TDRD9: variants seen among roughly 807,000 people sequenced by gnomAD.
TDRD9 encodes tudor domain containing 9, also known as ATP-dependent RNA helicase TDRD9.
Under a neutral mutation model 172.6 loss-of-function variants are expected in TDRD9, and 124 were observed. The ratio of observed to expected loss-of-function variants is 0.72; its 90% CI spans 0.62 to 0.83. The LOEUF is 0.83. TDRD9 is among the 40% of genes least tolerant of loss of function. The pLI, the probability that TDRD9 is intolerant of heterozygous loss-of-function variation, is 0.00. For synonymous variants in TDRD9, 619 were observed against 617.1 expected (o/e 1.00, Z -0.05); for missense variants, 1,479 against 1,714.1 (o/e 0.86, Z 2.42).
At chr14:103,941,784 G>T in intron 1 of TDRD9, 1 of 1,099,866 alleles carries the variant, frequency 9.1e-7, no homozygotes, top group Non-Finnish European at 1.3e-6. Context: ...CAATAAATTT[G>T]CCCGAAAAGT....
At position 103,991,811 on chromosome 14, in the gene TDRD9, A is replaced by G. The variant is rs2033880753; in HGVS notation, c.1180+587A>G. ...CTCACTCTGTTGCCCAGGCAGGGGT[A>G]CAGTGGCAAAATCTTAGCTCACTGC... On this transcript the variant is annotated intron_variant, in intron 9 of 35. Coordinates refer to ENST00000409874, the MANE Select transcript of TDRD9 (RefSeq NM_153046.3). Among the ~76,000 whole-genome samples, 4 of 148,442 alleles carry G rather than the reference A, an allele frequency of 2.7e-5. No individual in the cohort carries two copies. The South Asian group carries it at 8.6e-4, about 32-fold the overall frequency.
rs2035138323 is a variant in TDRD9, at chr14:104,026,861, C to G, written c.3204C>G (p.Val1068=). ...LHVDVYQYSG[V]QDAINIRDVL... ...TGGATGTGTACCAGTACTCAGGGGT[C>G]CAGGATGCCATCAACATAAGAGACG... Residue 1068 remains valine, a synonymous_variant, in exon 28 of 36, where the codon GTC becomes GTG. Transcript: ENST00000409874. The G allele has an allele frequency of 1.9e-6, 3 of 1,614,004 alleles. No homozygotes were observed. The highest frequency in any genetic ancestry group is 1.3e-5 in the African/African-American group (1 of 75,040).
intron 32 of TDRD9, among the ~76,000 whole-genome samples, chr14:104,037,157 G>A (rs76521349): frequency 6.6e-6 from 1 of 152,028 alleles, no homozygotes; most frequent in Non-Finnish European, 1.5e-5. Flanking sequence ...CTTCTGCAGC[G>A]AGCAGGAGGG....
At chr14:103,975,969 A>G (rs2033219763) in intron 7 of TDRD9, among the ~76,000 whole-genome samples, 2 of 152,160 alleles carry the variant, frequency 1.3e-5, no homozygotes, top group South Asian at 4.1e-4. Flanking sequence ...TCTCTCTTTA[A>G]AAAGGACACT....
chr14:104,017,110 T>A (rs1418997308), intron 22 of TDRD9, among the ~76,000 whole-genome samples: 2 of 152,104 alleles, frequency 1.3e-5, no homozygotes, highest in African/African-American at 2.4e-5. Context: ...CTAAGCTCTT[T>A]GCTTGGCTTC....
intron 35 of TDRD9, among the ~76,000 whole-genome samples, chr14:104,050,524 T>C (rs975208872): frequency 2.6e-5 from 4 of 152,208 alleles, no homozygotes; most frequent in Non-Finnish European, 5.9e-5. Context: ...GGGATATCTC[T>C]AGATACAAAG....
At chr14:104,039,420 A>T (rs999679625) in intron 32 of TDRD9, among the ~76,000 whole-genome samples, 2 of 152,226 alleles carry the variant, frequency 1.3e-5, no homozygotes, top group African/African-American at 2.4e-5. Flanking sequence ...CAGCTAGACC[A>T]CTGTGGCTTC....
At chr14:103,934,999 C>T (rs548777163) in intron 1 of TDRD9, among the ~76,000 whole-genome samples, 4 of 152,262 alleles carry the variant, frequency 2.6e-5, no homozygotes, top group South Asian at 2.1e-4. Context: ...AGGAGGGCCT[C>T]GTCCAGTCAG....
chr14:104,035,182 G>C, intron 32 of TDRD9, 126 bp downstream of exon 32: 1 of 676,170 alleles, frequency 1.5e-6, no homozygotes, highest in South Asian at 1.8e-5. Flanking sequence ...ACGTCTCGCT[G>C]CTTGGGGTGA....
At chr14:103,956,698 T>C (rs2152134237) in intron 2 of TDRD9, among the ~76,000 whole-genome samples, 1 of 152,274 alleles carries the variant, frequency 6.6e-6, no homozygotes, top group South Asian at 2.1e-4. Context: ...AAAATGACAT[T>C]TTAAACAATG....
intron 28 of TDRD9, among the ~76,000 whole-genome samples, chr14:104,029,920 T>C (rs2035231222): frequency 6.6e-6 from 1 of 152,214 alleles, no homozygotes; most frequent in Admixed American, 6.5e-5. Flanking sequence ...TTTTTCTGCA[T>C]CTGTTGAGAT....
intron 1 of TDRD9, among the ~76,000 whole-genome samples, chr14:103,932,608 C>T (rs554601385): frequency 1.3e-5 from 2 of 151,872 alleles, no homozygotes; most frequent in East Asian, 2.0e-4. Context: ...AGGATGGTCT[C>T]GATCTCCTGG....
rs2034448391 is a variant in TDRD9 at position 104,006,661 on chromosome 14, T to C, written c.1895T>C (p.Leu632Ser). ...TTATGGTTAGCGGCAGCTCTTTCTTTGAAGAATTTTTTTGCAATGCCTTTC... is the reference window on the plus strand; with the variant it reads ...TTATGGTTAGCGGCAGCTCTTTCTTCGAAGAATTTTTTTGCAATGCCTTTC... Reference protein sequence around the residue: ...ECLIIAAALSLKNFFAMPFRQ... With the variant: ...ECLIIAAALSSKNFFAMPFRQ... Residue 632 changes from leucine to serine, a missense_variant, in exon 17 of 36, where the codon TTG (leucine) becomes TCG (serine). Leu to Ser is a moderately radical substitution (Grantham distance 145). Transcript: ENST00000409874. The C allele has an allele frequency of 6.2e-7, 1 of 1,613,954 alleles. No individual in the cohort carries two copies.
At chr14:103,985,738 C>T (rs191934297) in intron 7 of TDRD9, among the ~76,000 whole-genome samples, 7 of 152,220 alleles carry the variant, frequency 4.6e-5, no homozygotes, top group East Asian at 3.9e-4. Flanking sequence ...TTGGTAGATA[C>T]GGATGTGACG....
chr14:104,041,408 G>A lies in TDRD9; in HGVS notation c.3856-661G>A, dbSNP rs946515024. 6.6e-5 allele frequency among the ~76,000 whole-genome samples: 10 copies of A among 152,112 alleles called. 1 individual carries two copies. Among genetic ancestry groups the A allele is most frequent in the Admixed American group, 3.3e-4 (5 of 15,270 alleles). On this transcript the variant is annotated intron_variant, in intron 33 of 35. Coordinates refer to ENST00000409874, the MANE Select transcript of TDRD9 (RefSeq NM_153046.3). ...TATCAAAATTAAAAACTTTTGTTCCGCAAAAGACCCTCTTCAGAGGAAGAA... is the reference window on the plus strand; with the variant it reads ...TATCAAAATTAAAAACTTTTGTTCCACAAAAGACCCTCTTCAGAGGAAGAA...
chr14:103,977,423 G>A (rs1314397956), intron 7 of TDRD9, among the ~76,000 whole-genome samples: 1 of 147,290 alleles, frequency 6.8e-6, no homozygotes, highest in Non-Finnish European at 1.5e-5. Context: ...AACCCGGGAG[G>A]CGGAGCTTGC....
At chr14:104,033,303 G>T (rs1824039518) in intron 30 of TDRD9, among the ~76,000 whole-genome samples, 1 of 152,200 alleles carries the variant, frequency 6.6e-6, no homozygotes, top group African/African-American at 2.4e-5. Flanking sequence ...TACAGTCTCA[G>T]GAGCCCCAGT....
chr14:103,977,370 G>T (rs890855595), intron 7 of TDRD9, among the ~76,000 whole-genome samples: 1 of 151,766 alleles, frequency 6.6e-6, no homozygotes, highest in Non-Finnish European at 1.5e-5. Flanking sequence ...GCAGGTGCCT[G>T]TAGTCCCAGC....
rs2030121289 is a variant in TDRD9 at position 103,928,520 on chromosome 14, AG to A, written c.12del (p.Lys4AsnfsTer17). 7.0e-7 allele frequency: 1 copy of A among 1,423,804 alleles called. No individual in the cohort carries two copies. Among genetic ancestry groups the A allele is most frequent in the African/African-American group, 1.5e-5 (1 of 66,002 alleles). 88.2% of individuals were successfully genotyped at this position (1,423,804 alleles called of 1,614,324 possible). A position where few individuals can be genotyped will look rare whatever the true frequency, so the allele number is the denominator to read the frequency against. On this transcript the variant is annotated frameshift_variant, in exon 1 of 36. Coordinates refer to ENST00000409874, the MANE Select transcript of TDRD9 (RefSeq NM_153046.3). LOFTEE classifies it high-confidence loss of function. ...GCCTGGGCCTTGAGGATGCTGCGGAAGCTCACCATCGAGCAGATCAACGACT... is the reference window on the plus strand; with the variant it reads ...GCCTGGGCCTTGAGGATGCTGCGGAACTCACCATCGAGCAGATCAACGACT... The part of the protein sequence containing the change: MLR[K>X]LTIEQINDWF...
Sources: allele counts gnomAD v4.1 joint callset (sites outside exome capture counted in the v4.1 genomes callset), GRCh38; gene constraint gnomAD v4.1.1; transcripts MANE v1.5; gene names NCBI Gene and HGNC (gene_info 2026-07-23, HGNC 2026-07-21).